Variants in ZMYM1 observed in about 807,000 individuals in gnomAD.
ZMYM1 encodes zinc finger MYM-type protein 1.
A neutral mutation model predicts 60.0 loss-of-function variants in ZMYM1; 39 were observed. The observed-to-expected ratio is 0.65, with a 90% CI of 0.50 to 0.85. The LOEUF is 0.85. ZMYM1 is among the 40% of genes least tolerant of loss of function. The pLI is 0.00. For missense variants in ZMYM1, 1,171 were observed against 1,309.5 expected, an observed-to-expected ratio of 0.89 and a Z score of 1.63; for synonymous variants, 413 against 454.0, an observed-to-expected ratio of 0.91 and a Z score of 1.15.
At chr1:35,096,048 C>G (rs1208130373) in intron 3 of ZMYM1, among the ~76,000 whole-genome samples, 157 bp downstream of exon 3, 1 of 152,108 alleles carries the variant, frequency 6.6e-6, no homozygotes, top group Admixed American at 6.5e-5. Flanking sequence ...TGCACAGTGG[C>G]TCACACCTGT....
At chr1:35,091,887 C>A (rs1383380952) in intron 1 of ZMYM1, among the ~76,000 whole-genome samples, 451 of 84,374 alleles carry the variant, frequency 5.3e-3, no homozygotes, top group East Asian at 9.1e-3. Flanking sequence ...GATCTTGTCT[C>A]AAAAAAAAAA....
intron 1 of ZMYM1, among the ~76,000 whole-genome samples, chr1:35,084,191 T>G (rs1305754991): frequency 6.6e-6 from 1 of 152,078 alleles, no homozygotes; most frequent in South Asian, 2.1e-4. Context: ...TTTTTTTTTT[T>G]TTTTTGATGG....
downstream of ZMYM1, among the ~76,000 whole-genome samples, chr1:35,116,906 C>T (rs541032679): frequency 6.0e-5 from 7 of 116,446 alleles, no homozygotes; most frequent in South Asian, 3.0e-4. Context: ...TGCTGTGGCG[C>T]GATCTCCGCT....
chr1:35,059,986 C>T (rs972460843), intron 1 of ZMYM1: 5 of 151,978 alleles, frequency 3.3e-5, no homozygotes, highest in Non-Finnish European at 7.4e-5. Context: ...TAGGGTGCCA[C>T]CTTTCCTTTT....
intron 7 of ZMYM1, 143 bp downstream of exon 7, chr1:35,110,590 T>A: frequency 1.4e-6 from 1 of 724,508 alleles, no homozygotes; most frequent in East Asian, 3.6e-5. Flanking sequence ...AAAGAACTGT[T>A]TTTCAGTATT....
chr1:35,089,095 AG>A (rs970833794), intron 1 of ZMYM1, among the ~76,000 whole-genome samples: 2 of 152,080 alleles, frequency 1.3e-5, no homozygotes, highest in African/African-American at 4.8e-5. Context: ...TTCAGGCATG[AG>A]CCACTGCGCC....
intron 2 of ZMYM1, among the ~76,000 whole-genome samples, chr1:35,094,704 C>G (rs935502840): frequency 3.9e-5 from 6 of 152,036 alleles, no homozygotes; most frequent in Non-Finnish European, 4.4e-5. Context: ...CAAAAATTAG[C>G]CAGGCATAGT....
chr1:35,105,359 A>G (rs151213279), intron 6 of ZMYM1, among the ~76,000 whole-genome samples: 4,720 of 151,684 alleles, frequency 0.031, 258 homozygotes, highest in African/African-American at 0.11. Flanking sequence ...GGATGGTCTC[A>G]ATCTCCTGAC....
intron 6 of ZMYM1, among the ~76,000 whole-genome samples, chr1:35,106,608 C>CAA (rs752085700): frequency 0.019 from 708 of 36,744 alleles, 20 homozygotes; most frequent in African/African-American, 0.039. Flanking sequence ...GACTCCGTCT[C>CAA]AAAAAAAAAA....
chr1:35,086,982 C>CTTTTTTTTT lies in ZMYM1; in HGVS notation c.-74-6914_-74-6906dup, dbSNP rs1184601007. On this transcript the variant is annotated intron_variant, in intron 1 of 9. Transcript: ENST00000359858. ...ACAGGCATGAGCCACCGCACCCAGC[C>CTTTTTTTTT]TTTTTTTTTTTTTTTTTTTTTTTTT... Among the ~76,000 whole-genome samples, 5 of 100,084 alleles carry CTTTTTTTTT rather than the reference C, an allele frequency of 5.0e-5. 2 individuals carry two copies. The highest frequency in any genetic ancestry group is 2.3e-4 in the African/African-American group (5 of 21,578). The allele number at this position is 100,084 out of a possible 152,430, so 65.7% of individuals were successfully genotyped here. A position where few individuals can be genotyped will look rare whatever the true frequency, so the allele number is the denominator to read the frequency against.
intron 1 of ZMYM1, among the ~76,000 whole-genome samples, chr1:35,083,427 C>G (rs188638449): frequency 6.6e-6 from 1 of 152,092 alleles, no homozygotes; most frequent in African/African-American, 2.4e-5. Flanking sequence ...GTTCAAATTG[C>G]AAGTGTGAAT....
chr1:35,086,266 G>A (rs1642649915), intron 1 of ZMYM1, among the ~76,000 whole-genome samples: 1 of 151,872 alleles, frequency 6.6e-6, no homozygotes, highest in African/African-American at 2.4e-5. Context: ...AGAATTTTAA[G>A]GTTTTTTCCC....
upstream of ZMYM1, among the ~76,000 whole-genome samples, chr1:35,077,845 C>T (rs532064386): frequency 1.3e-5 from 2 of 152,292 alleles, no homozygotes; most frequent in African/African-American, 4.8e-5. Context: ...GCTGGCTCTG[C>T]GTGAATTACT....
chr1:35,068,188 A>G (rs1330828280), intron 1 of ZMYM1, among the ~76,000 whole-genome samples: 1 of 151,776 alleles, frequency 6.6e-6, no homozygotes, highest in African/African-American at 2.4e-5. Context: ...AGAGACCAAG[A>G]TGGGAGGATC....
upstream of ZMYM1, among the ~76,000 whole-genome samples, chr1:35,078,537 ATTTTTTTTTTT>A (rs751468260): frequency 6.1e-5 from 5 of 82,220 alleles, no homozygotes; most frequent in East Asian, 1.2e-3. Context: ...GGTTATTTTA[ATTTTTTTTTTT>A]TTTTTTTTTT....
intron 1 of ZMYM1, among the ~76,000 whole-genome samples, chr1:35,083,124 A>C (rs1435978596): frequency 6.6e-6 from 1 of 151,782 alleles, no homozygotes; most frequent in Non-Finnish European, 1.5e-5. Flanking sequence ...CTTTAAAGAT[A>C]TTACATTGGC....
In ZMYM1 at chr1:35,097,561, C is replaced by T. The variant is rs1203613166; in HGVS notation, c.414C>T (p.Cys138=). 6.2e-7 allele frequency: 1 copy of T among 1,614,116 alleles called. No homozygotes were observed. The highest frequency in any genetic ancestry group is 1.3e-5 in the African/African-American group (1 of 75,068). ...PVPSKRTCSN[C]SKDILNPKDV... is the part of the protein sequence containing the mutation. ...CTTCTAAGAGAACTTGTTCAAACTG[C>T]TCAAAGTATATAATTCTAAATTATG... The change falls in exon 4 of 10, where the codon TGC becomes TGT. Residue 138 remains cysteine, a synonymous_variant. Transcript: ENST00000359858.
At chr1:35,078,036 C>G (rs1642199414), upstream of ZMYM1, among the ~76,000 whole-genome samples, 1 of 152,108 alleles carries the variant, frequency 6.6e-6, no homozygotes, top group Admixed American at 6.5e-5. Flanking sequence ...GGGCAAATTA[C>G]CTTTATCCTC....
At chr1:35,081,296 C>T (rs951128125) in intron 1 of ZMYM1, among the ~76,000 whole-genome samples, 2 of 152,036 alleles carry the variant, frequency 1.3e-5, no homozygotes, top group Non-Finnish European at 1.5e-5. Context: ...AGTATATCTG[C>T]TTCCAGACTC....
Sources: allele counts gnomAD v4.1 joint callset (sites outside exome capture counted in the v4.1 genomes callset), GRCh38; gene constraint gnomAD v4.1.1; transcripts MANE v1.5; gene names NCBI Gene and HGNC (gene_info 2026-07-23, HGNC 2026-07-21).